DOCK9: variants seen among roughly 807,000 people sequenced by gnomAD.
The protein encoded by DOCK9 is dedicator of cytokinesis 9.
DOCK9 carries 89 observed loss-of-function variants against 263.3 expected under a neutral mutation model. The ratio of observed to expected loss-of-function variants is 0.34; its 90% confidence interval spans 0.28 to 0.40. The LOEUF is 0.40. DOCK9 is among the 10% of genes least tolerant of loss of function. The pLI is 1.00. For missense variants in DOCK9, 2,140 were observed against 2,603.4 expected, an observed-to-expected ratio of 0.82 and a Z score of 3.87; for synonymous variants, 976 against 973.1, an observed-to-expected ratio of 1.00 and a Z score of -0.06.
At chr13:98,940,197 G>A (rs2055581011) in intron 2 of DOCK9, among the ~76,000 whole-genome samples, 1 of 152,156 alleles carries the variant, frequency 6.6e-6, no homozygotes, top group Admixed American at 6.5e-5. Flanking sequence ...GTTAACCCAC[G>A]ATGTTCTATT....
At chr13:98,935,337 G>A (rs544796878) in intron 2 of DOCK9, among the ~76,000 whole-genome samples, 6 of 152,212 alleles carry the variant, frequency 3.9e-5, no homozygotes, top group Admixed American at 3.9e-4. Context: ...TAAGTCAAAG[G>A]AAAAACTGCC....
At chr13:99,019,076 C>T (rs761557543) in intron 1 of DOCK9, among the ~76,000 whole-genome samples, 5 of 152,126 alleles carry the variant, frequency 3.3e-5, no homozygotes, top group Non-Finnish European at 4.4e-5. Flanking sequence ...AGTACTGATG[C>T]ATGCCACTAC....
At chr13:98,888,587 C>A in intron 16 of DOCK9, 40 bp from the exon 17 acceptor site, 1 of 1,611,838 alleles carries the variant, frequency 6.2e-7, no homozygotes, top group Non-Finnish European at 8.5e-7. Context: ...GAAGTAAAAC[C>A]CAAACTAATA....
intron 1 of DOCK9, among the ~76,000 whole-genome samples, chr13:99,045,036 G>C (rs1395897055): frequency 6.6e-6 from 1 of 152,178 alleles, no homozygotes; most frequent in Non-Finnish European, 1.5e-5. Flanking sequence ...GGTGGAAAGG[G>C]AATCCCTGCA....
intron 1 of DOCK9, among the ~76,000 whole-genome samples, chr13:99,086,008 G>T (rs931536877): frequency 3.9e-5 from 6 of 152,136 alleles, no homozygotes; most frequent in Non-Finnish European, 7.4e-5. Context: ...CAGGATCTTG[G>T]GTGGCGGGGA....
intron 1 of DOCK9, among the ~76,000 whole-genome samples, chr13:98,995,119 C>A (rs1183955055): frequency 6.6e-6 from 1 of 152,234 alleles, no homozygotes; most frequent in Non-Finnish European, 1.5e-5. Flanking sequence ...GCAGGCCCAT[C>A]AGTCATTACA....
At chr13:99,079,466 A>G in intron 1 of DOCK9, among the ~76,000 whole-genome samples, 1 of 152,216 alleles carries the variant, frequency 6.6e-6, no homozygotes. Context: ...GGCTCCAGAA[A>G]TATTTAGTCA....
At chr13:99,035,750 T>C (rs1887806688) in intron 1 of DOCK9, among the ~76,000 whole-genome samples, 1 of 152,204 alleles carries the variant, frequency 6.6e-6, no homozygotes. Flanking sequence ...GATGCTTTCT[T>C]TTATGTGTCA....
chr13:98,875,255 C>T (rs2043637664), intron 27 of DOCK9, among the ~76,000 whole-genome samples: 1 of 152,180 alleles, frequency 6.6e-6, no homozygotes, highest in African/African-American at 2.4e-5. Context: ...CTGTTCAAAA[C>T]ACTTGAGGGT....
intron 1 of DOCK9, among the ~76,000 whole-genome samples, chr13:99,063,341 C>G (rs2041277503): frequency 6.6e-6 from 1 of 152,224 alleles, no homozygotes. Context: ...CCCTTCCCAG[C>G]CTAGAAGGCC....
intron 1 of DOCK9, among the ~76,000 whole-genome samples, chr13:99,018,065 A>G (rs1307864686): frequency 6.6e-6 from 1 of 152,228 alleles, no homozygotes; most frequent in Non-Finnish European, 1.5e-5. Context: ...TAAAAAAACA[A>G]TAAGAGAGAA....
chr13:98,992,886 A>G (rs1880141187), intron 1 of DOCK9, among the ~76,000 whole-genome samples: 1 of 152,220 alleles, frequency 6.6e-6, no homozygotes, highest in South Asian at 2.1e-4. Context: ...AAGAATAAGC[A>G]AGACGTTCTG....
chr13:99,049,053 A>G (rs2040563762), intron 1 of DOCK9, among the ~76,000 whole-genome samples: 1 of 152,230 alleles, frequency 6.6e-6, no homozygotes, highest in Non-Finnish European at 1.5e-5. Flanking sequence ...ATAGTTAAAA[A>G]TATGTTTTGG....
chr13:98,964,001 G>C (rs9517512), intron 1 of DOCK9, among the ~76,000 whole-genome samples: 30,607 of 152,112 alleles, frequency 0.2, 3,405 homozygotes, highest in East Asian at 0.44. Context: ...AAATAACAGC[G>C]GCCTCCCTTC....
At chr13:99,025,294 A>G (rs750314581) in intron 1 of DOCK9, 1 of 152,230 alleles carries the variant, frequency 6.6e-6, no homozygotes, top group Non-Finnish European at 1.5e-5. Context: ...GAAGACTGGC[A>G]TGGTCCCTGC....
intron 22 of DOCK9, 93 bp from the exon 23 acceptor site, chr13:98,883,224 CTGTATGTTGTTGTTGT>C: frequency 8.6e-7 from 1 of 1,161,494 alleles, no homozygotes; most frequent in Non-Finnish European, 1.2e-6. Context: ...TGCTTTTTTG[CTGTATGTTGTTGTTGT>C]TGTTGTTGTT....
At chr13:99,047,707 G>A (rs2040501355) in intron 1 of DOCK9, among the ~76,000 whole-genome samples, 1 of 151,652 alleles carries the variant, frequency 6.6e-6, no homozygotes, top group Non-Finnish European at 1.5e-5. Context: ...ATTTTTAGTA[G>A]AGACGGGGTT....
At position 98,816,619 on chromosome 13, in the gene DOCK9, C is replaced by T. The variant is rs901672594; in HGVS notation, c.5131-6328G>A. Among the ~76,000 whole-genome samples the T allele has an allele frequency of 3.3e-5, 5 of 150,228 alleles. No individual in the cohort carries two copies. In the East Asian group the frequency reaches 7.8e-4, roughly 23 times the overall value. ...ACGAATAACGAAATGTGCAGGGAGG[C>T]GGGAAAGAGCAGCATCTGTCCGGCC... is the stretch of plus-strand genomic sequence containing the variant. On this transcript the variant is annotated intron_variant, in intron 45 of 52. Transcript: ENST00000682017.
rs571104757 is a variant in DOCK9, at chr13:98,841,534, T to G, written c.4199-3925A>C. Among the ~76,000 whole-genome samples, 3 of 152,122 alleles carry G rather than the reference T, an allele frequency of 2.0e-5. No individual in the cohort carries two copies. The South Asian group carries it at 6.2e-4, about 32-fold the overall frequency. On this transcript the variant is annotated intron_variant, in intron 38 of 52. Coordinates refer to ENST00000682017, the MANE Select transcript of DOCK9 (RefSeq NM_001366683.2). ...AAGATATACCCAACTTTGGAAATAC[T>G]AGAAAGTGTGCAAAAATGTGCCTCA...
Sources: gnomAD v4.1 joint callset for allele counts (sites outside exome capture counted in the v4.1 genomes callset) on GRCh38, gnomAD v4.1.1 for gene constraint, MANE v1.5 for transcripts, NCBI Gene and HGNC (gene_info 2026-07-23, HGNC 2026-07-21) for gene names.